The following ZNF827 variants were observed in gnomAD, a reference collection of about 807,000 sequenced individuals.
ZNF827 encodes zinc finger protein 827.
In ZNF827, 13 loss-of-function variants were observed where a neutral mutation model predicts 102.4. The observed-to-expected ratio is 0.13, with a 90% CI of 0.08 to 0.20. ZNF827 has a LOEUF of 0.20. Ranked by LOEUF, ZNF827 falls within the 10% of genes least tolerant of loss-of-function variation. The pLI is 1.00. For missense variants in ZNF827, 1,103 were observed against 1,344.4 expected (o/e 0.82, Z 2.81); for synonymous variants, 523 against 536.2 (o/e 0.98, Z 0.34).
intron 8 of ZNF827, among the ~76,000 whole-genome samples, chr4:145,807,628 C>G (rs747458763): frequency 6.6e-6 from 1 of 151,746 alleles, no homozygotes; most frequent in Non-Finnish European, 1.5e-5. Context: ...CCCACCACCA[C>G]GCCCAGCTAA....
chr4:145,927,081 T>G (rs1433399918), intron 1 of ZNF827, among the ~76,000 whole-genome samples: 1 of 152,188 alleles, frequency 6.6e-6, no homozygotes, highest in African/African-American at 2.4e-5. Flanking sequence ...TTCAGTAACG[T>G]TTCCTGGAGC....
intron 8 of ZNF827, among the ~76,000 whole-genome samples, chr4:145,807,910 G>T (rs1741636059): frequency 1.3e-5 from 2 of 151,862 alleles, no homozygotes; most frequent in Admixed American, 1.3e-4. Context: ...AGTGATAAAA[G>T]TAACAGTTGG....
chr4:145,838,580 G>A lies in ZNF827; in HGVS notation c.2279+7376C>T, dbSNP rs1745114327. 2.0e-5 allele frequency among the ~76,000 whole-genome samples: 3 copies of A among 152,170 alleles called. 1 individual carries two copies. In the South Asian group the frequency reaches 6.2e-4, roughly 32 times the overall value. ...CCTTGATATTCAATAACAAGGGACT[G>A]ATTAAATAAATTATAACACAGGCAA... is the stretch of plus-strand genomic sequence containing the variant. On this transcript the variant is annotated intron_variant, in intron 7 of 14. Coordinates refer to ENST00000508784, the MANE Select transcript of ZNF827 (RefSeq NM_001306215.2).
intron 1 of ZNF827, among the ~76,000 whole-genome samples, chr4:145,929,891 A>C (rs570859121): frequency 1.3e-5 from 2 of 152,318 alleles, no homozygotes; most frequent in Admixed American, 6.5e-5. Context: ...TATTACCACT[A>C]TTTAAAGATG....
intron 11 of ZNF827, among the ~76,000 whole-genome samples, chr4:145,772,656 T>C (rs1009017255): frequency 3.9e-5 from 6 of 152,232 alleles, no homozygotes; most frequent in Non-Finnish European, 8.8e-5. Flanking sequence ...ATATTTACTA[T>C]TTGCCCCTTT....
At chr4:145,781,195 C>CAAA (rs10605153) in intron 8 of ZNF827, among the ~76,000 whole-genome samples, 39 of 56,538 alleles carry the variant, frequency 6.9e-4, no homozygotes, top group South Asian at 1.1e-3. Flanking sequence ...GACACCATCT[C>CAAA]AAAAAAAAAA....
chr4:145,828,061 T>C (rs1057502923), intron 7 of ZNF827, among the ~76,000 whole-genome samples: 1 of 152,168 alleles, frequency 6.6e-6, no homozygotes, highest in African/African-American at 2.4e-5. Context: ...GAGAGGCAAG[T>C]TCCAGGAGGT....
chr4:145,817,167 C>G (rs1483852718), intron 8 of ZNF827, among the ~76,000 whole-genome samples: 2 of 152,188 alleles, frequency 1.3e-5, no homozygotes, highest in African/African-American at 2.4e-5. Context: ...TCATCCCCAT[C>G]CCAGTCACTA....
chr4:145,824,719 C>A (rs937154225), intron 7 of ZNF827, among the ~76,000 whole-genome samples: 8 of 152,124 alleles, frequency 5.3e-5, no homozygotes, highest in Non-Finnish European at 2.9e-5. Flanking sequence ...GGGATCACTA[C>A]CCCCCACCAC....
intron 4 of ZNF827, among the ~76,000 whole-genome samples, chr4:145,875,496 C>T (rs1352062478): frequency 6.6e-6 from 1 of 152,078 alleles, no homozygotes; most frequent in African/African-American, 2.4e-5. Flanking sequence ...GTGAATTAAG[C>T]ACTGTTCATG....
intron 8 of ZNF827, among the ~76,000 whole-genome samples, chr4:145,821,915 G>A (rs897599367): frequency 2.6e-5 from 4 of 152,150 alleles, no homozygotes; most frequent in Non-Finnish European, 4.4e-5. Context: ...AGCAGTGCAA[G>A]GTTTGTATAT....
rs1734358351 is a variant in ZNF827 at position 145,760,725 on chromosome 4, T to G, written c.*891A>C. On this transcript the variant is annotated 3_prime_UTR_variant, in exon 15 of 15. Coordinates refer to ENST00000508784, the MANE Select transcript of ZNF827 (RefSeq NM_001306215.2). ...GGTTGTGTTTAAGTTTTGTGGTTTTTTTTTTTTTTTTTGTCTTTTGTCTCT... is the reference window on the plus strand; with the variant it reads ...GGTTGTGTTTAAGTTTTGTGGTTTTGTTTTTTTTTTTTGTCTTTTGTCTCT... 4.0e-6 allele frequency: 4 copies of G among 1,008,462 alleles called. No individual in the cohort carries two copies. The highest frequency in any genetic ancestry group is 8.8e-5 in the East Asian group (1 of 11,336). 62.5% of individuals were successfully genotyped at this position (1,008,462 alleles called of 1,614,324 possible). A position where few individuals can be genotyped will look rare whatever the true frequency, so the allele number is the denominator to read the frequency against.
At chr4:145,845,251 G>T (rs1434954173) in intron 7 of ZNF827, among the ~76,000 whole-genome samples, 1 of 152,140 alleles carries the variant, frequency 6.6e-6, no homozygotes, top group Non-Finnish European at 1.5e-5. Context: ...TCAGGTTTGG[G>T]TGGACTTCAT....
chr4:145,802,438 C>T (rs1003568389), intron 8 of ZNF827, among the ~76,000 whole-genome samples: 1 of 152,180 alleles, frequency 6.6e-6, no homozygotes, highest in Non-Finnish European at 1.5e-5. Context: ...GAGTTTGGAT[C>T]CACAAGGTGT....
chr4:145,929,380 T>C (rs1753647716), intron 1 of ZNF827, among the ~76,000 whole-genome samples: 6 of 152,248 alleles, frequency 3.9e-5, no homozygotes. Context: ...ATACCTATTC[T>C]CTAATTTGAG....
At chr4:145,932,506 G>T (rs948023975) in intron 1 of ZNF827, among the ~76,000 whole-genome samples, 2 of 145,554 alleles carry the variant, frequency 1.4e-5, no homozygotes, top group Admixed American at 7.0e-5. Flanking sequence ...ACGGAGTCTC[G>T]CTCTGTCGAA....
intron 1 of ZNF827, among the ~76,000 whole-genome samples, chr4:145,936,148 C>G (rs563506514): frequency 7.9e-5 from 12 of 152,212 alleles, no homozygotes; most frequent in African/African-American, 2.9e-4. Flanking sequence ...CCCCTGACCC[C>G]CTCAGGATTC....
At chr4:145,887,779 T>C (rs754735410) in intron 3 of ZNF827, among the ~76,000 whole-genome samples, 1 of 152,206 alleles carries the variant, frequency 6.6e-6, no homozygotes, top group Non-Finnish European at 1.5e-5. Flanking sequence ...AGCAGGCACC[T>C]TGGGGACCTC....
intron 6 of ZNF827, among the ~76,000 whole-genome samples, chr4:145,848,275 C>A (rs2126649598): frequency 6.6e-6 from 1 of 152,332 alleles, no homozygotes; most frequent in African/African-American, 2.4e-5. Context: ...CTGCAGAGAT[C>A]TGCACAAATA....
Sources: gnomAD v4.1 joint callset for allele counts (sites outside exome capture counted in the v4.1 genomes callset) on GRCh38, gnomAD v4.1.1 for gene constraint, MANE v1.5 for transcripts, NCBI Gene and HGNC (gene_info 2026-07-23, HGNC 2026-07-21) for gene names.